The following SHB variants were observed in gnomAD, a reference collection of about 807,000 sequenced individuals.
The protein encoded by SHB is SH2 domain containing adaptor protein B, also known as SH2 domain-containing adapter protein B.
Under a neutral mutation model 52.3 loss-of-function variants are expected in SHB, and 20 were observed. The ratio of observed to expected loss-of-function variants is 0.38; its 90% CI spans 0.27 to 0.56. SHB has a LOEUF of 0.56. SHB is among the 20% of genes least tolerant of loss of function. The pLI, the probability that SHB is intolerant of heterozygous loss-of-function variation, is 0.71. For synonymous variants in SHB, 397 were observed against 316.5 expected, an observed-to-expected ratio of 1.25 and a Z score of -2.70; for missense variants, 825 against 723.3, an observed-to-expected ratio of 1.14 and a Z score of -1.61.
intron 2 of SHB, among the ~76,000 whole-genome samples, chr9:37,982,846 G>A (rs1820752333): frequency 6.6e-6 from 1 of 152,010 alleles, no homozygotes; most frequent in African/African-American, 2.4e-5. Flanking sequence ...TACATAACAT[G>A]TCTTATGGTA....
chr9:37,948,244 TC>T (rs1393605669), intron 5 of SHB, among the ~76,000 whole-genome samples: 16 of 152,076 alleles, frequency 1.1e-4, no homozygotes, highest in Admixed American at 2.0e-4. Context: ...CACACCCACC[TC>T]CGTGAACCTG....
intron 2 of SHB, among the ~76,000 whole-genome samples, chr9:37,989,939 C>A (rs1820862375): frequency 6.6e-6 from 1 of 152,172 alleles, no homozygotes; most frequent in Non-Finnish European, 1.5e-5. Context: ...ACCATCCACA[C>A]AACCATCCCA....
At chr9:37,938,419 T>A (rs570438406) in intron 5 of SHB, among the ~76,000 whole-genome samples, 1 of 152,346 alleles carries the variant, frequency 6.6e-6, no homozygotes, top group African/African-American at 2.4e-5. Flanking sequence ...GCCAACCAAC[T>A]CATTCCCAGA....
At chr9:38,052,916 G>C (rs1821769277) in intron 1 of SHB, among the ~76,000 whole-genome samples, 1 of 152,206 alleles carries the variant, frequency 6.6e-6, no homozygotes, top group Admixed American at 6.5e-5. Flanking sequence ...TGAAGGCCCA[G>C]CTCCCATGCT....
chr9:37,936,347 C>A (rs1035576852), intron 5 of SHB, among the ~76,000 whole-genome samples: 1 of 152,214 alleles, frequency 6.6e-6, no homozygotes, highest in Non-Finnish European at 1.5e-5. Flanking sequence ...TGGTTAATCA[C>A]AATTTGGCAT....
intron 1 of SHB, among the ~76,000 whole-genome samples, chr9:38,054,936 T>TGATC (rs1389538644): frequency 6.6e-6 from 1 of 152,122 alleles, no homozygotes; most frequent in Non-Finnish European, 1.5e-5. Flanking sequence ...TTGGATGGGG[T>TGATC]GATCCCCAGC....
chr9:38,031,461 G>A (rs147583472), intron 1 of SHB, among the ~76,000 whole-genome samples: 114 of 152,294 alleles, frequency 7.5e-4, no homozygotes, highest in Middle Eastern at 3.4e-3. Context: ...ACCCCTAACC[G>A]TCCATTTTTC....
chr9:37,922,776 G>A (rs1205659451), intron 5 of SHB, among the ~76,000 whole-genome samples: 1 of 152,142 alleles, frequency 6.6e-6, no homozygotes, highest in African/African-American at 2.4e-5. Context: ...GGGTTCCCTG[G>A]CCCTCAGGCT....
intron 4 of SHB, among the ~76,000 whole-genome samples, chr9:37,951,832 C>T (rs1239893793): frequency 1.3e-5 from 2 of 152,324 alleles, no homozygotes; most frequent in Admixed American, 1.3e-4. Flanking sequence ...ATCTGGGGGC[C>T]GGGCCGGCAC....
intron 3 of SHB, among the ~76,000 whole-genome samples, chr9:37,968,334 A>G (rs1003977386): frequency 6.6e-6 from 1 of 152,220 alleles, no homozygotes; most frequent in African/African-American, 2.4e-5. Flanking sequence ...AGTCTGTCTC[A>G]GGTCCCGAAG....
At chr9:37,983,172 A>G (rs1410202449) in intron 2 of SHB, among the ~76,000 whole-genome samples, 1 of 152,254 alleles carries the variant, frequency 6.6e-6, no homozygotes, top group East Asian at 1.9e-4. Flanking sequence ...AGCAGACTTG[A>G]TACCACAATC....
At chr9:38,036,457 G>A (rs1249465443) in intron 1 of SHB, among the ~76,000 whole-genome samples, 1 of 152,246 alleles carries the variant, frequency 6.6e-6, no homozygotes, top group Non-Finnish European at 1.5e-5. Flanking sequence ...AAAACGTGCC[G>A]CCTGCCTAGA....
chr9:38,023,907 T>G (rs1445716525), intron 1 of SHB, among the ~76,000 whole-genome samples: 3 of 152,210 alleles, frequency 2.0e-5, no homozygotes, highest in African/African-American at 7.2e-5. Flanking sequence ...CTTCCTGTCC[T>G]CAGCTTTGAC....
chr9:37,926,933 C>G lies in SHB; in HGVS notation c.1347-6929G>C, dbSNP rs568758652. On this transcript the variant is annotated intron_variant, in intron 5 of 5. Transcript: ENST00000377707. ...CCCACTCACACAGGGCCTGGCCTAC[C>G]TCTGGCATGGCTGAGAAGACCTTAA... Among the ~76,000 whole-genome samples the G allele has an allele frequency of 9.8e-5, 15 of 152,368 alleles. No homozygotes were observed. In the South Asian group the frequency reaches 3.1e-3, roughly 32 times the overall value.
intron 4 of SHB, among the ~76,000 whole-genome samples, chr9:37,950,742 T>C (rs527761188): frequency 6.6e-6 from 1 of 152,266 alleles, no homozygotes; most frequent in South Asian, 2.1e-4. Context: ...GTTGTGGGAA[T>C]GTAACAAGTG....
At chr9:37,984,218 G>A (rs536246869) in intron 2 of SHB, among the ~76,000 whole-genome samples, 1 of 152,318 alleles carries the variant, frequency 6.6e-6, no homozygotes, top group African/African-American at 2.4e-5. Context: ...CTCCTCCAAG[G>A]CTGTCTTTGC....
At chr9:37,925,696 A>AT (rs967993610) in intron 5 of SHB, among the ~76,000 whole-genome samples, 1 of 151,990 alleles carries the variant, frequency 6.6e-6, no homozygotes, top group African/African-American at 2.4e-5. Context: ...TTATTTTGCT[A>AT]TTTTTTACCC....
chr9:38,002,002 G>C lies in SHB; in HGVS notation c.838+14009C>G, dbSNP rs573862615. Among the ~76,000 whole-genome samples the C allele has an allele frequency of 4.6e-5, 7 of 152,168 alleles. No individual in the cohort carries two copies. The East Asian group carries it at 1.2e-3, about 25-fold the overall frequency. Reference sequence around the variant, plus strand: ...GCTCTGAGCACAGACTCTTTTTAATGGAAGGGAGGGGAAGGGGACAGGGAC... The same window carrying C: ...GCTCTGAGCACAGACTCTTTTTAATCGAAGGGAGGGGAAGGGGACAGGGAC... On this transcript the variant is annotated intron_variant, in intron 2 of 5. Transcript: ENST00000377707.
In SHB at chr9:37,917,687, C is replaced by T. The variant is rs1389570767; in HGVS notation, c.*2134G>A. On this transcript the variant is annotated 3_prime_UTR_variant, in exon 6 of 6. Transcript: ENST00000377707. ...TTGTCATTTCCCACCTACCTTCCCA[C>T]TCCCCCAAAGGAAAGCACGAATCGT... 6.6e-6 allele frequency among the ~76,000 whole-genome samples: 1 copy of T among 152,264 alleles called. No homozygotes were observed. The highest frequency in any genetic ancestry group is 2.4e-5 in the African/African-American group (1 of 41,480).
Sources: allele counts gnomAD v4.1 joint callset (sites outside exome capture counted in the v4.1 genomes callset), GRCh38; gene constraint gnomAD v4.1.1; transcripts MANE v1.5; gene names NCBI Gene and HGNC (gene_info 2026-07-23, HGNC 2026-07-21).